The following RAB3C variants were observed in gnomAD, a reference collection of about 807,000 sequenced individuals.
RAB3C encodes the protein RAB3C, member RAS oncogene family.
Under a neutral mutation model 26.4 loss-of-function variants are expected in RAB3C, and 17 were observed. The observed-to-expected ratio is 0.64, with a 90% CI of 0.44 to 0.97. RAB3C has a LOEUF of 0.97. Among genes scored for constraint, RAB3C ranks in the 50% least tolerant of loss-of-function variants. The probability of loss-of-function intolerance (pLI) is 0.00; values close to 1 mark genes in which losing one functional copy is unlikely to be tolerated. For missense variants in RAB3C, 242 were observed against 281.9 expected (o/e 0.86, Z 1.01); for synonymous variants, 91 against 95.9 (o/e 0.95, Z 0.30).
chr5:58,611,479 C>T (rs1228239204), intron 1 of RAB3C, among the ~76,000 whole-genome samples: 3 of 152,078 alleles, frequency 2.0e-5, no homozygotes, highest in Non-Finnish European at 4.4e-5. Context: ...CTGTAATGAT[C>T]AGTGATGTTG....
chr5:58,670,754 G>C (rs2111823230), intron 2 of RAB3C, among the ~76,000 whole-genome samples: 1 of 152,230 alleles, frequency 6.6e-6, no homozygotes, highest in South Asian at 2.1e-4. Flanking sequence ...TGACAGCTGG[G>C]ACATTTTTAT....
At chr5:58,842,112 C>A (rs1462066370) in intron 4 of RAB3C, among the ~76,000 whole-genome samples, 1 of 152,212 alleles carries the variant, frequency 6.6e-6, no homozygotes, top group Non-Finnish European at 1.5e-5. Flanking sequence ...CAATCCTTGA[C>A]TCTTTTTTTC....
At chr5:58,813,320 T>C (rs1743128572) in intron 3 of RAB3C, among the ~76,000 whole-genome samples, 1 of 152,088 alleles carries the variant, frequency 6.6e-6, no homozygotes, top group African/African-American at 2.4e-5. Flanking sequence ...CAATATTCCA[T>C]ACATGGTTTA....
At chr5:58,604,400 C>T (rs1348058786) in intron 1 of RAB3C, among the ~76,000 whole-genome samples, 1 of 152,156 alleles carries the variant, frequency 6.6e-6, no homozygotes, top group African/African-American at 2.4e-5. Flanking sequence ...TCTTCCACTA[C>T]CAGAAAGGTG....
chr5:58,793,034 T>A (rs1196809886), intron 3 of RAB3C, among the ~76,000 whole-genome samples: 1 of 152,124 alleles, frequency 6.6e-6, no homozygotes, highest in Non-Finnish European at 1.5e-5. Context: ...GTATGTCCAA[T>A]GCACATTCTT....
At chr5:58,727,151 T>A (rs1195304908) in intron 3 of RAB3C, among the ~76,000 whole-genome samples, 4 of 151,990 alleles carry the variant, frequency 2.6e-5, no homozygotes, top group Non-Finnish European at 4.4e-5. Flanking sequence ...TATGATAATA[T>A]TATCCAAAAT....
chr5:58,820,996 A>T (rs375598279), intron 3 of RAB3C, among the ~76,000 whole-genome samples: 11 of 152,312 alleles, frequency 7.2e-5, no homozygotes, highest in African/African-American at 2.6e-4. Flanking sequence ...ATCAGCTAGT[A>T]GGTTGTGAGT....
intron 3 of RAB3C, among the ~76,000 whole-genome samples, chr5:58,737,447 AT>A (rs1561305278): frequency 0.042 from 1,218 of 29,204 alleles, 178 homozygotes; most frequent in Middle Eastern, 0.091. Context: ...ATATATATAT[AT>A]AATTTACTTG....
At chr5:58,771,403 A>G (rs1011264052) in intron 3 of RAB3C, among the ~76,000 whole-genome samples, 3 of 152,176 alleles carry the variant, frequency 2.0e-5, no homozygotes, top group African/African-American at 4.8e-5. Context: ...CTTAGTTAAC[A>G]TAAAGAATCC....
intron 2 of RAB3C, among the ~76,000 whole-genome samples, chr5:58,718,208 T>C (rs1401610036): frequency 6.6e-6 from 1 of 152,072 alleles, no homozygotes; most frequent in South Asian, 2.1e-4. Context: ...GCAAAAATGA[T>C]GTCTTCTCCT....
intron 3 of RAB3C, among the ~76,000 whole-genome samples, chr5:58,745,414 A>G (rs1741381568): frequency 1.3e-5 from 2 of 148,466 alleles, no homozygotes. Context: ...AAAAAAAAAA[A>G]AAAAAGAAAG....
chr5:58,830,063 G>A (rs369860687), intron 4 of RAB3C, among the ~76,000 whole-genome samples: 7 of 152,272 alleles, frequency 4.6e-5, no homozygotes, highest in South Asian at 2.1e-4. Context: ...AGGGCATGAA[G>A]TTCTATGAAT....
upstream of RAB3C, chr5:58,582,918 C>A (rs985988548): frequency 6.6e-6 from 4 of 607,212 alleles, no homozygotes; most frequent in Non-Finnish European, 1.0e-5. Flanking sequence ...GCCCGACTGG[C>A]GGATCGAGCC....
intron 2 of RAB3C, among the ~76,000 whole-genome samples, chr5:58,687,910 T>C (rs1748479243): frequency 6.6e-6 from 1 of 152,116 alleles, no homozygotes; most frequent in Admixed American, 6.6e-5. Flanking sequence ...TCCCTGAATG[T>C]ACTTGCTAAA....
chr5:58,688,003 A>G (rs1748482103), intron 2 of RAB3C, among the ~76,000 whole-genome samples: 1 of 152,134 alleles, frequency 6.6e-6, no homozygotes, highest in Admixed American at 6.6e-5. Context: ...GATATTTCCA[A>G]CATATGAACT....
chr5:58,666,622 A>T (rs1455773220), intron 2 of RAB3C, among the ~76,000 whole-genome samples: 2 of 152,176 alleles, frequency 1.3e-5, no homozygotes, highest in East Asian at 3.9e-4. Flanking sequence ...TCTTTGTAAC[A>T]CCACACTAGG....
In RAB3C at chr5:58,854,529, A is replaced by G. The variant is rs961128964; in HGVS notation, c.*3178A>G. The G allele has an allele frequency of 3.9e-5, 6 of 152,228 alleles. No homozygotes were observed. Among genetic ancestry groups the G allele is most frequent in the East Asian group, 3.9e-4 (2 of 5,190 alleles). 9.4% of individuals were successfully genotyped at this position (152,228 alleles called of 1,614,324 possible). A position where few individuals can be genotyped will look rare whatever the true frequency, so the allele number is the denominator to read the frequency against. On this transcript the variant is annotated 3_prime_UTR_variant, in exon 5 of 5. Transcript: ENST00000282878. ...ATGGCAGTTTGAATGTTAGCATCGC[A>G]TCTACATGCTCATAAGAGGAATTGC...
chr5:58,797,013 A>ACACC lies in RAB3C; in HGVS notation c.372-28024_372-28023insACCC, dbSNP rs1392666307. On this transcript the variant is annotated intron_variant, in intron 3 of 4. Transcript: ENST00000282878. ...CACACACACAGACACACACACACAC[A>ACACC]CCTACCTTCCCTCATATTTCCAAAC... Among the ~76,000 whole-genome samples the ACACC allele has an allele frequency of 5.0e-3, 748 of 151,020 alleles. 11 individuals are homozygous for ACACC. The highest frequency in any genetic ancestry group is 0.017 in the African/African-American group (707 of 41,188).
intron 2 of RAB3C, among the ~76,000 whole-genome samples, chr5:58,677,976 T>TTTTGTGTGTGTGTGTGTG (rs142179130): frequency 6.8e-6 from 1 of 147,782 alleles, no homozygotes; most frequent in Non-Finnish European, 1.5e-5. Flanking sequence ...CTAGATTATT[T>TTTTGTGTGTGTGTGTGTG]TGTGTGTGTG....
Sources: gnomAD v4.1 joint callset for allele counts (sites outside exome capture counted in the v4.1 genomes callset) on GRCh38, gnomAD v4.1.1 for gene constraint, MANE v1.5 for transcripts, NCBI Gene and HGNC (gene_info 2026-07-23, HGNC 2026-07-21) for gene names.